TENM1: variants seen among roughly 807,000 people sequenced by gnomAD.
TENM1 encodes the protein teneurin transmembrane protein 1.
A neutral mutation model predicts 174.8 loss-of-function variants in TENM1; 35 were observed. The ratio of observed to expected loss-of-function variants is 0.20; its 90% CI spans 0.15 to 0.27. The LOEUF (loss-of-function observed/expected upper bound fraction) is 0.27, where lower values mean the gene tolerates loss of function less well. Among genes scored for constraint, TENM1 ranks in the 10% least tolerant of loss-of-function variants. The pLI is 1.00. For missense variants in TENM1, 1,633 were observed against 2,130.1 expected, an observed-to-expected ratio of 0.77 and a Z score of 4.59; for synonymous variants, 781 against 798.7, an observed-to-expected ratio of 0.98 and a Z score of 0.37.
At chrX:124,896,832 T>TTA (rs1421641501) in intron 1 of TENM1, among the ~76,000 whole-genome samples, 1 of 111,874 alleles carries the variant, frequency 8.9e-6, no homozygotes, top group Non-Finnish European at 1.9e-5. Flanking sequence ...AAGGCTGACT[T>TTA]TATGCTAATT....
At chrX:124,628,810 A>G (rs2050695600) in intron 11 of TENM1, among the ~76,000 whole-genome samples, 1 of 111,944 alleles carries the variant, frequency 8.9e-6, no homozygotes, top group African/African-American at 3.2e-5. Context: ...GTGTTTTCAC[A>G]TGACTAAGTT....
chrX:125,117,946 G>A, the TENM1 span, among the ~76,000 whole-genome samples: 1 of 111,285 alleles, frequency 9.0e-6, no homozygotes, highest in African/African-American at 3.3e-5. Flanking sequence ...ACTAACAATA[G>A]CAAAAATATG....
At chrX:124,602,970 G>A (rs1359834283) in intron 11 of TENM1, among the ~76,000 whole-genome samples, 3 of 111,319 alleles carry the variant, frequency 2.7e-5, no homozygotes, top group Non-Finnish European at 5.7e-5. Context: ...GCACTAAATA[G>A]AATGACAAAT....
intron 11 of TENM1, among the ~76,000 whole-genome samples, chrX:124,609,777 T>C (rs1031276673): frequency 9.0e-6 from 1 of 111,531 alleles, no homozygotes; most frequent in Non-Finnish European, 1.9e-5. Context: ...AAAAGCACCA[T>C]TGTCCCTAAA....
intron 11 of TENM1, among the ~76,000 whole-genome samples, chrX:124,571,308 A>G (rs2858431): frequency 0.24 from 27,057 of 111,682 alleles, 2,504 homozygotes; most frequent in South Asian, 0.4. Flanking sequence ...ACAATGAAAT[A>G]CTATTTACAA....
chrX:125,187,222 T>A, the TENM1 span, among the ~76,000 whole-genome samples: 1 of 112,418 alleles, frequency 8.9e-6, no homozygotes, highest in Non-Finnish European at 1.9e-5. Flanking sequence ...ATTGCGCTGT[T>A]GCACGCCAGC....
the TENM1 span, among the ~76,000 whole-genome samples, chrX:125,003,035 G>A: frequency 8.9e-6 from 1 of 112,085 alleles, no homozygotes; most frequent in Non-Finnish European, 1.9e-5. Context: ...GTGCAATACT[G>A]ATTGACTGTA....
chrX:124,602,260 G>A lies in TENM1; in HGVS notation c.2078-36700C>T, dbSNP rs138769484. On this transcript the variant is annotated intron_variant, in intron 11 of 31. Transcript: ENST00000422452. ...ATAATTCAGATACCTGTGTTTCTAC[G>A]TGAGCTGCTTAAATGTTACCCATTT... 4.8e-3 allele frequency among the ~76,000 whole-genome samples: 528 copies of A among 110,491 alleles called. 3 individuals are homozygous for A. Among genetic ancestry groups the A allele is most frequent in the Middle Eastern group, 0.019 (4 of 215 alleles).
intron 3 of TENM1, among the ~76,000 whole-genome samples, chrX:124,828,368 T>C (rs2056214767): frequency 8.9e-6 from 1 of 112,303 alleles, no homozygotes; most frequent in Non-Finnish European, 1.9e-5. Context: ...GTGCCCGCTC[T>C]ATGCTATACT....
chrX:124,894,868 G>A (rs915421652), intron 2 of TENM1, among the ~76,000 whole-genome samples: 4 of 111,626 alleles, frequency 3.6e-5, no homozygotes, highest in African/African-American at 1.3e-4. Context: ...TGCTACATAT[G>A]TCAAATATGT....
intron 18 of TENM1, among the ~76,000 whole-genome samples, chrX:124,510,796 G>C (rs2047565276): frequency 1.2e-4 from 1 of 8,085 alleles, no homozygotes; most frequent in South Asian, 6.3e-3. Context: ...ACACACACTT[G>C]AAGTTTTTCT....
chrX:124,964,218 T>C (rs1160911427), upstream of TENM1, among the ~76,000 whole-genome samples: 1 of 112,359 alleles, frequency 8.9e-6, no homozygotes, highest in East Asian at 2.8e-4. Flanking sequence ...ATTCCACATT[T>C]GAAATGAAAA....
chrX:124,645,278 G>A (rs2051129687), exon 10 of TENM1: 3 of 1,211,451 alleles, frequency 2.5e-6, no homozygotes, highest in Non-Finnish European at 2.2e-6. Flanking sequence ...CAGCCATGCC[G>A]GCAGACACAG....
the TENM1 span, among the ~76,000 whole-genome samples, chrX:124,989,030 T>C: frequency 8.9e-6 from 1 of 111,902 alleles, no homozygotes; most frequent in Non-Finnish European, 1.9e-5. Context: ...CCGCTTCTAT[T>C]CAATATTGTA....
intron 5 of TENM1, 74 bp from the exon 9 acceptor site, chrX:124,671,909 C>T: frequency 1.8e-6 from 2 of 1,092,481 alleles, no homozygotes; most frequent in Non-Finnish European, 2.5e-6. Context: ...TATCCCTTTG[C>T]ACCTAAAAAT....
At chrX:125,059,749 C>T in the TENM1 span, among the ~76,000 whole-genome samples, 3 of 111,436 alleles carry the variant, frequency 2.7e-5, no homozygotes, top group Non-Finnish European at 5.7e-5. Flanking sequence ...AATGAATAAA[C>T]TGTGGTACAT....
chrX:124,925,525 TTG>T lies in TENM1; in HGVS notation c.218-29286_218-29285del, dbSNP rs1391367539. ...GCATAAAGACTAAAAATATATAGGT[TTG>T]TGTGTGCTGCACTGAATCATATTTT... On this transcript the variant is annotated intron_variant, in intron 1 of 31. Transcript: ENST00000422452. 2.7e-5 allele frequency among the ~76,000 whole-genome samples: 3 copies of T among 112,348 alleles called. No individual in the cohort carries two copies. The Admixed American group carries it at 2.8e-4, about 11-fold the overall frequency.
intron 18 of TENM1, among the ~76,000 whole-genome samples, chrX:124,518,557 T>A (rs994151686): frequency 9.0e-6 from 1 of 111,335 alleles, no homozygotes; most frequent in Non-Finnish European, 1.9e-5. Context: ...CACAGTACCC[T>A]GGCCACAACA....
At chrX:124,528,169 G>T (rs1229886075) in intron 16 of TENM1, among the ~76,000 whole-genome samples, 1 of 109,807 alleles carries the variant, frequency 9.1e-6, no homozygotes, top group Non-Finnish European at 1.9e-5. Context: ...TGCTAGAGGG[G>T]ATTCTGACTA....
Sources: gnomAD v4.1 joint callset for allele counts (sites outside exome capture counted in the v4.1 genomes callset) on GRCh38, gnomAD v4.1.1 for gene constraint, MANE v1.5 for transcripts, NCBI Gene and HGNC (gene_info 2026-07-23, HGNC 2026-07-21) for gene names.